Variants in STAG3 observed in about 807,000 individuals in gnomAD.
The protein encoded by STAG3 is STAG3 cohesin complex component.
In STAG3, 101 loss-of-function variants were observed where a neutral mutation model predicts 160.7. The ratio of observed to expected loss-of-function variants is 0.63; its 90% CI spans 0.54 to 0.74. The LOEUF (loss-of-function observed/expected upper bound fraction) is 0.74. Among genes scored for constraint, STAG3 ranks in the 30% least tolerant of loss-of-function variants. STAG3 has a pLI of 0.00. For synonymous variants in STAG3, 519 were observed against 585.0 expected (o/e 0.89, Z 1.63); for missense variants, 1,188 against 1,517.4 (o/e 0.78, Z 3.61).
chr7:100,188,987 G>A lies in STAG3; in HGVS notation c.686G>A (p.Arg229His). ...LLTGLSDSQV[R>H]AFRHTSTLAA... Reference sequence around the variant, plus strand: ...ACTGGCCTCTCAGACTCACAAGTCCGCGCCTTCCGTCACACTAGCACCCTG... The same window carrying A: ...ACTGGCCTCTCAGACTCACAAGTCCACGCCTTCCGTCACACTAGCACCCTG... The change falls in exon 7 of 34, where the codon CGC becomes CAC. Residue 229 changes from arginine (R) to histidine (H), a missense_variant. By Grantham distance (29) the Arg-to-His change is conservative. Coordinates refer to ENST00000615138, the MANE Select transcript of STAG3 (RefSeq NM_001282717.2). 2 of 1,614,106 alleles carry A rather than the reference G, an allele frequency of 1.2e-6. No homozygotes were observed. The highest frequency in any genetic ancestry group is 1.7e-6 in the Non-Finnish European group (2 of 1,180,024).
At chr7:100,213,508 GGT>G (rs1802467619) in intron 32 of STAG3, 1 of 985,310 alleles carries the variant, frequency 1.0e-6, no homozygotes, top group Non-Finnish European at 1.2e-6. Context: ...TCCGTTTTCT[GGT>G]TTCCAAAACA....
intron 6 of STAG3, 22 bp from the exon 7 acceptor site, chr7:100,188,790 C>G: frequency 6.2e-7 from 1 of 1,613,118 alleles, no homozygotes; most frequent in African/African-American, 1.3e-5. Flanking sequence ...CTTTCCCATC[C>G]TTTTCATACA....
rs1483608754 is a variant in STAG3, at chr7:100,207,668, G to A, written c.3238+2284G>A. Among the ~76,000 whole-genome samples the A allele has an allele frequency of 6.6e-6, 1 of 152,036 alleles. No individual in the cohort carries two copies. Among genetic ancestry groups the A allele is most frequent in the Non-Finnish European group, 1.5e-5 (1 of 68,022 alleles). On this transcript the variant is annotated intron_variant, in intron 29 of 33. Coordinates refer to ENST00000615138, the MANE Select transcript of STAG3 (RefSeq NM_001282717.2). The surrounding 1 kb of genome is among the most constrained non-coding windows in gnomAD (Gnocchi z 4.0). ...CTCCCATTTTTTGGGTTGTCTTTTC[G>A]TGTTATTGGTGGTGTCCTTTGAAAC...
intron 32 of STAG3, 113 bp downstream of exon 32, chr7:100,211,989 A>G: frequency 2.1e-6 from 2 of 933,538 alleles, no homozygotes; most frequent in Non-Finnish European, 3.2e-6. Flanking sequence ...GAAAAGCTGA[A>G]TGAATCTAGA....
downstream of STAG3, among the ~76,000 whole-genome samples, chr7:100,217,385 G>A (rs1203894906): frequency 6.6e-6 from 1 of 152,236 alleles, no homozygotes; most frequent in Non-Finnish European, 1.5e-5. Flanking sequence ...TTAGGTAGCA[G>A]GCATGGAGGC....
At position 100,213,798 on chromosome 7, in the gene STAG3, G is replaced by C; in HGVS notation, c.3664G>C (p.Asp1222His). 1 of 1,614,238 alleles carries C rather than the reference G, an allele frequency of 6.2e-7. No homozygotes were observed. Among genetic ancestry groups the C allele is most frequent in the African/African-American group, 1.3e-5 (1 of 75,060 alleles). Residue 1222 changes from aspartate (D) to histidine (H), a missense_variant, in exon 33 of 34, where the codon GAT becomes CAT. By Grantham distance (81) the Asp-to-His change is moderately conservative. This residue lies in a region of STAG3 where 647 missense variants were observed against 717.2 expected (regional missense o/e 0.90). Coordinates refer to ENST00000615138, the MANE Select transcript of STAG3 (RefSeq NM_001282717.2). ...GLDLLDSTELDIEDF is the reference protein window; with the variant it reads ...GLDLLDSTELHIEDF ...GGACCTCTTAGATTCTACAGAGCTG[G>C]ATATTGAGGTGAGTGTCCCCAGAGC... is the stretch of plus-strand genomic sequence containing the variant.
rs370467752 is a variant in STAG3 at position 100,211,444 on chromosome 7, C to T, written c.3423C>T (p.Pro1141=). The T allele has an allele frequency of 1.1e-5, 17 of 1,613,340 alleles. No individual in the cohort carries two copies. Among genetic ancestry groups the T allele is most frequent in the South Asian group, 4.4e-5 (4 of 91,034 alleles). Reference sequence around the variant, plus strand: ...CCTGCTTCATTCCCAGCAGTCAGCCCGTCGCAGGCACCGAGAGGTCAAGGT... The same window carrying T: ...CCTGCTTCATTCCCAGCAGTCAGCCTGTCGCAGGCACCGAGAGGTCAAGGT... ...SELDFAQGSQ[P]VAGTERSRFL... The change falls in exon 31 of 34, where the codon CCC becomes CCT. Residue 1141 remains proline, a synonymous_variant. Coordinates refer to ENST00000615138, the MANE Select transcript of STAG3 (RefSeq NM_001282717.2).
intron 4 of STAG3, among the ~76,000 whole-genome samples, chr7:100,185,018 G>A (rs1429318700): frequency 6.6e-6 from 1 of 151,932 alleles, no homozygotes; most frequent in East Asian, 1.9e-4. Flanking sequence ...CTTTTGCTTT[G>A]ACAGTTGTCT....
At chr7:100,198,778 C>A (rs1800860013) in intron 13 of STAG3, 65 bp from the exon 14 acceptor site, 1 of 1,446,322 alleles carries the variant, frequency 6.9e-7, no homozygotes, top group East Asian at 2.3e-5. Flanking sequence ...TCTCCTCCCT[C>A]TGTGGTCGTT....
chr7:100,206,143 T>G (rs1159782249), intron 29 of STAG3, among the ~76,000 whole-genome samples: 1 of 151,294 alleles, frequency 6.6e-6, no homozygotes, highest in Non-Finnish European at 1.5e-5. Context: ...GCCTCCCGAG[T>G]AGCTGGGACT....
At chr7:100,210,970 C>T in intron 29 of STAG3, 41 bp from the exon 30 acceptor site, 1 of 1,586,048 alleles carries the variant, frequency 6.3e-7, no homozygotes, top group East Asian at 2.2e-5. Context: ...ACACCTGTCG[C>T]AGGCCCTGGG....
upstream of STAG3, chr7:100,177,817 G>A (rs1283538017): frequency 6.6e-6 from 1 of 152,402 alleles, no homozygotes; most frequent in Non-Finnish European, 1.5e-5. Flanking sequence ...CTCAAACGTG[G>A]CGCGCATCAG....
At chr7:100,214,553 T>TG (rs1245349297), downstream of STAG3, among the ~76,000 whole-genome samples, 1 of 151,814 alleles carries the variant, frequency 6.6e-6, no homozygotes, top group African/African-American at 2.4e-5. Context: ...GCAGTAGAGA[T>TG]GGGGAGAGTT....
chr7:100,193,402 T>A (rs192475075), intron 8 of STAG3, among the ~76,000 whole-genome samples: 1 of 152,314 alleles, frequency 6.6e-6, no homozygotes, highest in Admixed American at 6.5e-5. Context: ...TTCTCCTCAA[T>A]AGCTGCGAAA....
chr7:100,206,129 C>T (rs539529871), intron 29 of STAG3, among the ~76,000 whole-genome samples: 6 of 151,888 alleles, frequency 4.0e-5, no homozygotes, highest in Admixed American at 1.3e-4. Flanking sequence ...ATTCTCCTGC[C>T]TCAGCCTCCC....
rs750348426 is a variant in STAG3 at position 100,197,863 on chromosome 7, C to A, written c.1151C>A (p.Thr384Asn). Reference sequence around the variant, plus strand: ...CTGACCACACGCCTGGAGCTCTTCACCAGCCGCTTCAAGGTAAAATGGGTG... The same window carrying A: ...CTGACCACACGCCTGGAGCTCTTCAACAGCCGCTTCAAGGTAAAATGGGTG... The part of the protein sequence containing the change: ...RDLTTRLELF[T>N]SRFKDRMVSM... The change falls in exon 11 of 34, where the codon ACC becomes AAC. Residue 384 changes from threonine (T) to asparagine (N), a missense_variant. By Grantham distance (65) the Thr-to-Asn change is moderately conservative. Coordinates refer to ENST00000615138, the MANE Select transcript of STAG3 (RefSeq NM_001282717.2). 3 of 1,613,950 alleles carry A rather than the reference C, an allele frequency of 1.9e-6. No homozygotes were observed. The highest frequency in any genetic ancestry group is 1.7e-5 in the Admixed American group (1 of 60,012).
In STAG3 at chr7:100,199,652, G is replaced by C; in HGVS notation, c.1677+8G>C. On this transcript the variant is annotated splice_region_variant and intron_variant, in intron 16 of 33. Coordinates refer to ENST00000615138, the MANE Select transcript of STAG3 (RefSeq NM_001282717.2). The stretch of plus-strand genomic sequence containing the variant: ...CGGGTCACTGGGAGGAAGGTATGGT[G>C]TGAGGGTAGAGTGGGTAGGTCAGCA... The C allele has an allele frequency of 6.3e-7, 1 of 1,578,022 alleles. No homozygotes were observed. The highest frequency in any genetic ancestry group is 8.6e-7 in the Non-Finnish European group (1 of 1,161,754).
chr7:100,200,757 T>A lies in STAG3; in HGVS notation c.1861-12T>A, dbSNP rs375031563. The A allele has an allele frequency of 1.2e-6, 2 of 1,613,382 alleles. No homozygotes were observed. The highest frequency in any genetic ancestry group is 2.7e-5 in the African/African-American group (2 of 74,916). On this transcript the variant is annotated splice_polypyrimidine_tract_variant and intron_variant, in intron 18 of 33. Coordinates refer to ENST00000615138, the MANE Select transcript of STAG3 (RefSeq NM_001282717.2). ...TCCCCACAGCACACCATCTTCTGCCTTTTCTTCTCAGCACCTGGAGCTGTT... is the reference window on the plus strand; with the variant it reads ...TCCCCACAGCACACCATCTTCTGCCATTTCTTCTCAGCACCTGGAGCTGTT...
chr7:100,188,714 G>T, intron 6 of STAG3, 98 bp from the exon 7 acceptor site: 1 of 1,299,342 alleles, frequency 7.7e-7, no homozygotes, highest in Non-Finnish European at 1.1e-6. Flanking sequence ...AGGTATAACA[G>T]ATATTTTTAC....
Sources: gnomAD v4.1 joint callset for allele counts (sites outside exome capture counted in the v4.1 genomes callset) on GRCh38, gnomAD v4.1.1 for gene constraint, gnomAD v4.1.1 regional missense constraint, Gnocchi (gnomAD v3.1) non-coding constraint, MANE v1.5 for transcripts, NCBI Gene and HGNC (gene_info 2026-07-23, HGNC 2026-07-21) for gene names.